MARCHF6: variants seen among roughly 807,000 people sequenced by gnomAD.
The protein encoded by MARCHF6 is E3 ubiquitin-protein ligase MARCHF6.
MARCHF6 carries 31 observed loss-of-function variants against 133.7 expected under a neutral mutation model. The observed-to-expected ratio is 0.23, with a 90% CI of 0.17 to 0.31. The LOEUF is 0.31. MARCHF6 is among the 10% of genes least tolerant of loss of function. The pLI, the probability that MARCHF6 is intolerant of heterozygous loss-of-function variation, is 1.00. For synonymous variants in MARCHF6, 395 were observed against 402.5 expected (o/e 0.98, Z 0.22); for missense variants, 723 against 1,121.6 (o/e 0.64, Z 5.08).
intron 4 of MARCHF6, among the ~76,000 whole-genome samples, chr5:10,382,467 G>A (rs1482979511): frequency 4.0e-5 from 5 of 123,984 alleles, no homozygotes; most frequent in South Asian, 4.9e-4. Context: ...ACTTTGTCTC[G>A]CAAAAAAAAA....
intron 15 of MARCHF6, among the ~76,000 whole-genome samples, 158 bp downstream of exon 15, chr5:10,403,699 ATTACT>A (rs1738691050): frequency 6.6e-6 from 1 of 152,200 alleles, no homozygotes; most frequent in African/African-American, 2.4e-5. Context: ...CTTTGACTTA[ATTACT>A]TTAAACTGTT....
intron 22 of MARCHF6, among the ~76,000 whole-genome samples, chr5:10,420,338 G>T (rs756677937): frequency 5.3e-5 from 8 of 152,182 alleles, no homozygotes; most frequent in Non-Finnish European, 1.0e-4. Context: ...AAAATAATTT[G>T]CAGGTATGTT....
At chr5:10,389,632 C>T (rs1314219279) in intron 5 of MARCHF6, among the ~76,000 whole-genome samples, 3 of 152,152 alleles carry the variant, frequency 2.0e-5, no homozygotes, top group African/African-American at 7.2e-5. Flanking sequence ...CAACTCCTGA[C>T]CTCAAGTGAT....
At chr5:10,386,287 G>A (rs1158312374) in intron 4 of MARCHF6, among the ~76,000 whole-genome samples, 2 of 152,182 alleles carry the variant, frequency 1.3e-5, no homozygotes, top group Non-Finnish European at 2.9e-5. Flanking sequence ...TATAGGGAAT[G>A]CTTAAGCTAA....
intron 24 of MARCHF6, among the ~76,000 whole-genome samples, chr5:10,427,430 G>C (rs556304079): frequency 2.0e-5 from 3 of 152,178 alleles, no homozygotes; most frequent in Non-Finnish European, 2.9e-5. Flanking sequence ...AGTTTACAAG[G>C]CTCCTCCTTT....
At chr5:10,376,036 C>G (rs949336723) in intron 1 of MARCHF6, among the ~76,000 whole-genome samples, 1 of 152,156 alleles carries the variant, frequency 6.6e-6, no homozygotes, top group African/African-American at 2.4e-5. Context: ...ACAGGCCACT[C>G]GGCTCTACCA....
rs200202081 is a variant in MARCHF6 at position 10,411,380 on chromosome 5, G to A, written c.1739G>A (p.Ser580Asn). ...GGAGACCAGGAAGAAAATGAAAACA[G>A]TGCAAATCAACAAGTTAACAATAAT... ...LLGDQEENEN[S>N]ANQQVNNNQH... Residue 580 changes from serine (S) to asparagine (N), a missense_variant, in exon 19 of 26, where the codon AGT becomes AAT. Around this residue, in one of 4 missense-constraint regions of MARCHF6, gnomAD observed 492 missense variants for 699.5 expected, o/e 0.70. Transcript: ENST00000274140. The A allele has an allele frequency of 6.2e-7, 1 of 1,614,146 alleles. No homozygotes were observed. Among genetic ancestry groups the A allele is most frequent in the East Asian group, 2.2e-5 (1 of 44,872 alleles).
chr5:10,373,136 T>C (rs1318029267), intron 1 of MARCHF6, among the ~76,000 whole-genome samples: 1 of 152,154 alleles, frequency 6.6e-6, no homozygotes, highest in Admixed American at 6.5e-5. Flanking sequence ...TGTCTTTGCA[T>C]TCTCTGAGTG....
rs1240291460 is a variant in MARCHF6 at position 10,436,318 on chromosome 5, G to A, written c.*2634G>A. 2.0e-5 allele frequency: 3 copies of A among 151,910 alleles called. No individual in the cohort carries two copies. The highest frequency in any genetic ancestry group is 1.9e-4 in the East Asian group (1 of 5,198). The allele number at this position is 151,910 out of a possible 1,614,324, so 9.4% of individuals were successfully genotyped here. On this transcript the variant is annotated 3_prime_UTR_variant, in exon 26 of 26. Transcript: ENST00000274140. ...CCTAGTTTTTCAATTGTACTTTATC[G>A]TGTTGTTTTCAATGAGATAAGTATT...
At chr5:10,368,649 G>A (rs1038261649) in intron 1 of MARCHF6, among the ~76,000 whole-genome samples, 1 of 152,058 alleles carries the variant, frequency 6.6e-6, no homozygotes, top group Non-Finnish European at 1.5e-5. Flanking sequence ...GCGTCATCTC[G>A]GTTTGCTGCA....
intron 1 of MARCHF6, among the ~76,000 whole-genome samples, chr5:10,366,923 A>G (rs901342162): frequency 3.3e-5 from 5 of 152,202 alleles, no homozygotes; most frequent in African/African-American, 9.6e-5. Context: ...CCAGTGGTAT[A>G]CTGAGTTGAT....
In MARCHF6 at chr5:10,353,932, C is replaced by A; in HGVS notation, c.19+15C>A. ...CGCGGAGGAAGGTAAGTCGGCGACG[C>A]GCGGCGCCCGAGCCCTTGCGTCGGC... is the stretch of plus-strand genomic sequence containing the variant. On this transcript the variant is annotated intron_variant, in intron 1 of 25. Coordinates refer to ENST00000274140, the MANE Select transcript of MARCHF6 (RefSeq NM_005885.4). The A allele has an allele frequency of 6.5e-7, 1 of 1,549,116 alleles. No homozygotes were observed. The highest frequency in any genetic ancestry group is 8.7e-7 in the Non-Finnish European group (1 of 1,152,526).
At chr5:10,424,688 T>C (rs1739993976) in intron 23 of MARCHF6, among the ~76,000 whole-genome samples, 1 of 152,222 alleles carries the variant, frequency 6.6e-6, no homozygotes, top group South Asian at 2.1e-4. Context: ...AAGGTTGATA[T>C]TAATGTTTCT....
intron 5 of MARCHF6, among the ~76,000 whole-genome samples, chr5:10,387,969 C>T (rs138296860): frequency 3.3e-5 from 5 of 152,090 alleles, no homozygotes; most frequent in Admixed American, 6.5e-5. Flanking sequence ...CCCAAGAGTT[C>T]GTTTTAACAT....
chr5:10,429,260 G>C (rs1740247607), intron 24 of MARCHF6, among the ~76,000 whole-genome samples: 1 of 152,144 alleles, frequency 6.6e-6, no homozygotes, highest in Non-Finnish European at 1.5e-5. Flanking sequence ...ATAAATACAT[G>C]TGTGTTCTAA....
chr5:10,358,674 T>C (rs774687099), intron 1 of MARCHF6, among the ~76,000 whole-genome samples: 11 of 152,196 alleles, frequency 7.2e-5, no homozygotes, highest in Non-Finnish European at 1.6e-4. Context: ...CTTCAATAAA[T>C]ATATTGAAAA....
intron 9 of MARCHF6, among the ~76,000 whole-genome samples, chr5:10,396,013 A>G (rs1025298812): frequency 1.3e-5 from 2 of 152,250 alleles, no homozygotes; most frequent in Admixed American, 1.3e-4. Flanking sequence ...AATGAAGGAC[A>G]GAAGTCGTTG....
At chr5:10,429,845 C>T in intron 24 of MARCHF6, 48 bp from the exon 25 acceptor site, 6 of 1,535,112 alleles carry the variant, frequency 3.9e-6, no homozygotes, top group Non-Finnish European at 5.4e-6. Flanking sequence ...CGTTTCATGT[C>T]ACTGTTATTT....
At chr5:10,369,273 A>C (rs1736317906) in intron 1 of MARCHF6, among the ~76,000 whole-genome samples, 1 of 152,168 alleles carries the variant, frequency 6.6e-6, no homozygotes, top group African/African-American at 2.4e-5. Flanking sequence ...ATATTTGATG[A>C]CCAATGCTGA....
Sources: allele counts gnomAD v4.1 joint callset (sites outside exome capture counted in the v4.1 genomes callset), GRCh38; gene constraint gnomAD v4.1.1; regional missense constraint gnomAD v4.1.1; transcripts MANE v1.5; gene names NCBI Gene and HGNC (gene_info 2026-07-23, HGNC 2026-07-21).